The following RBM26 variants were observed in gnomAD, a reference collection of about 807,000 sequenced individuals.
The protein encoded by RBM26 is RNA-binding protein 26.
Under a neutral mutation model 123.6 loss-of-function variants are expected in RBM26, and 30 were observed. The observed-to-expected ratio is 0.24, with a 90% confidence interval of 0.18 to 0.33. RBM26 has a LOEUF of 0.33. Ranked by LOEUF, RBM26 falls within the 10% of genes least tolerant of loss-of-function variation. The pLI is 1.00. For synonymous variants in RBM26, 400 were observed against 404.4 expected (o/e 0.99, Z 0.13); for missense variants, 947 against 1,203.6 (o/e 0.79, Z 3.15).
chr13:79,344,406 C>T (rs564949053), intron 15 of RBM26, 84 bp from the exon 16 acceptor site: 12 of 1,088,302 alleles, frequency 1.1e-5, no homozygotes, highest in Middle Eastern at 4.1e-4. Flanking sequence ...GTTGTAACTG[C>T]AGAAGTCTGT....
intron 20 of RBM26, among the ~76,000 whole-genome samples, chr13:79,327,274 T>TG (rs1216295708): frequency 7.0e-6 from 1 of 143,306 alleles, no homozygotes; most frequent in African/African-American, 2.6e-5. Context: ...CTAGCCTGGG[T>TG]GACAGAATGA....
At chr13:79,331,998 A>G (rs901709100) in intron 20 of RBM26, among the ~76,000 whole-genome samples, 14 of 152,288 alleles carry the variant, frequency 9.2e-5, no homozygotes, top group Middle Eastern at 3.4e-3. Flanking sequence ...AAATGCTTCA[A>G]TATTTTTCCT....
At chr13:79,362,949 A>C (rs1455093840) in intron 9 of RBM26, among the ~76,000 whole-genome samples, 2 of 152,202 alleles carry the variant, frequency 1.3e-5, no homozygotes, top group African/African-American at 4.8e-5. Context: ...TTTTTCCCCA[A>C]TAATCATTTT....
At chr13:79,399,816 G>C (rs2078910395) in intron 1 of RBM26, among the ~76,000 whole-genome samples, 1 of 152,118 alleles carries the variant, frequency 6.6e-6, no homozygotes. Context: ...TGGGAGGAAG[G>C]AGAAGCCAAA....
intron 11 of RBM26, among the ~76,000 whole-genome samples, chr13:79,356,630 C>A (rs2074047300): frequency 6.6e-6 from 1 of 152,006 alleles, no homozygotes; most frequent in Admixed American, 6.5e-5. Flanking sequence ...ATTTTGGTAA[C>A]ATTTTAATAA....
downstream of RBM26, among the ~76,000 whole-genome samples, chr13:79,315,832 A>G (rs1328044): frequency 0.99 from 149,766 of 151,762 alleles, 73,940 homozygotes; most frequent in East Asian, 1. Flanking sequence ...AGGATTTTTA[A>G]GTAGCAACTT....
intron 20 of RBM26, among the ~76,000 whole-genome samples, chr13:79,326,804 A>C (rs1021396183): frequency 6.6e-6 from 1 of 152,138 alleles, no homozygotes; most frequent in Non-Finnish European, 1.5e-5. Flanking sequence ...AAAATTTACA[A>C]ACCAATCTTA....
intron 1 of RBM26, among the ~76,000 whole-genome samples, chr13:79,393,778 T>C (rs2078308120): frequency 1.3e-5 from 2 of 152,138 alleles, no homozygotes; most frequent in South Asian, 2.1e-4. Context: ...GAGGCACTAA[T>C]GGCCCTCCTG....
At position 79,405,808 on chromosome 13, in the gene RBM26, G is replaced by A. The variant is rs373629208; in HGVS notation, c.-34C>T. On this transcript the variant is annotated 5_prime_UTR_variant, in exon 1 of 22. Coordinates refer to ENST00000438737, the MANE Select transcript of RBM26 (RefSeq NM_001366735.2). ...GCCCTAAGGCCCGTCACACTCCTCCGCCCGCCCAGGTCGCGGCCGCTACAG... is the reference window on the plus strand; with the variant it reads ...GCCCTAAGGCCCGTCACACTCCTCCACCCGCCCAGGTCGCGGCCGCTACAG... 5.7e-6 allele frequency: 8 copies of A among 1,398,598 alleles called. No individual in the cohort carries two copies. Among genetic ancestry groups the A allele is most frequent in the African/African-American group, 4.4e-5 (3 of 68,248 alleles). 86.6% of individuals were successfully genotyped at this position (1,398,598 alleles called of 1,614,324 possible). A position where few individuals can be genotyped will look rare whatever the true frequency, so the allele number is the denominator to read the frequency against.
At chr13:79,378,757 A>G (rs1566534143) in intron 2 of RBM26, 32 bp downstream of exon 2, 4 of 1,342,858 alleles carry the variant, frequency 3.0e-6, no homozygotes, top group Non-Finnish European at 4.2e-6. Flanking sequence ...ACTTTTTAAA[A>G]TATAGTAGTA....
At position 79,353,226 on chromosome 13, in the gene RBM26, T is replaced by C. The variant is rs1347018926; in HGVS notation, c.1987-2A>G. 1 of 1,526,544 alleles carries C rather than the reference T, an allele frequency of 6.6e-7. No homozygotes were observed. The highest frequency in any genetic ancestry group is 1.2e-5 in the South Asian group (1 of 83,820). The allele number at this position is 1,526,544 out of a possible 1,614,324, so 94.6% of individuals were successfully genotyped here. ...CTTCACAGATAACTTAGTTACATTC[T>C]AAAAAAATTAAAATGGACATATTCA... On this transcript the variant is annotated splice_acceptor_variant, in intron 13 of 21. Transcript: ENST00000438737. LOFTEE classifies it high-confidence loss of function.
At chr13:79,314,328 CCA>C (rs1423504552), downstream of RBM26, 3 of 151,618 alleles carry the variant, frequency 2.0e-5, no homozygotes, top group Admixed American at 6.6e-5. Context: ...TATTTATAAT[CCA>C]CAGATCATCA....
exon 5 of RBM26, chr13:79,311,829 T>C (rs1393482665): frequency 6.6e-6 from 1 of 152,050 alleles, no homozygotes; most frequent in Non-Finnish European, 1.5e-5. Context: ...TTAACAACTG[T>C]TTTTAGTAAG....
chr13:79,373,388 T>C (rs1267891796), intron 3 of RBM26, among the ~76,000 whole-genome samples: 1 of 90,200 alleles, frequency 1.1e-5, no homozygotes, highest in East Asian at 2.9e-4. Flanking sequence ...TATATATAAA[T>C]ATATATAATA....
chr13:79,363,467 A>T (rs2074934946), intron 9 of RBM26, among the ~76,000 whole-genome samples: 1 of 152,120 alleles, frequency 6.6e-6, no homozygotes, highest in Admixed American at 6.6e-5. Context: ...ATGGGTTGCT[A>T]AATCAGTTGT....
chr13:79,351,004 C>G lies in RBM26; in HGVS notation c.2058+2149G>C, dbSNP rs187421793. ...AATATTTTTCCCCATAAATAGCTTG[C>G]TACCATAAATGATTTTTTTCCCATA... On this transcript the variant is annotated intron_variant, in intron 14 of 21. Coordinates refer to ENST00000438737, the MANE Select transcript of RBM26 (RefSeq NM_001366735.2). Among the ~76,000 whole-genome samples, 173 of 152,232 alleles carry G rather than the reference C, an allele frequency of 1.1e-3. 1 individual carries two copies. The highest frequency in any genetic ancestry group is 3.9e-3 in the African/African-American group (161 of 41,550).
At chr13:79,379,371 C>CA (rs1160901778) in intron 1 of RBM26, among the ~76,000 whole-genome samples, 955 of 79,396 alleles carry the variant, frequency 0.012, 25 homozygotes, top group African/African-American at 0.035. Context: ...CAGTCTCTAC[C>CA]AAAAAAAAAA....
intron 1 of RBM26, among the ~76,000 whole-genome samples, chr13:79,391,827 T>C (rs1364744997): frequency 6.6e-6 from 1 of 151,736 alleles, no homozygotes; most frequent in Non-Finnish European, 1.5e-5. Flanking sequence ...CCCTAATACA[T>C]GAAAAGCTCC....
chr13:79,356,802 A>G (rs1336883308), intron 11 of RBM26, among the ~76,000 whole-genome samples: 1 of 152,188 alleles, frequency 6.6e-6, no homozygotes, highest in Non-Finnish European at 1.5e-5. Flanking sequence ...GAAGATTTCA[A>G]CCTCACTTGT....
Sources: allele counts gnomAD v4.1 joint callset (sites outside exome capture counted in the v4.1 genomes callset), GRCh38; gene constraint gnomAD v4.1.1; transcripts MANE v1.5; gene names NCBI Gene and HGNC (gene_info 2026-07-23, HGNC 2026-07-21).